Variants in ZBTB20 observed in about 807,000 individuals in gnomAD.
ZBTB20 encodes zinc finger and BTB domain-containing protein 20.
ZBTB20 carries 9 observed loss-of-function variants against 56.9 expected under a neutral mutation model. The observed-to-expected ratio is 0.16, with a 90% CI of 0.10 to 0.28. ZBTB20 has a LOEUF of 0.28. Among genes scored for constraint, ZBTB20 ranks in the 10% least tolerant of loss-of-function variants. The probability of loss-of-function intolerance (pLI) is 1.00; values close to 1 mark genes in which losing one functional copy is unlikely to be tolerated. For synonymous variants in ZBTB20, 417 were observed against 420.7 expected (o/e 0.99, Z 0.11); for missense variants, 655 against 1,003.0 (o/e 0.65, Z 4.69).
chr3:115,106,991 G>A (rs2083742150), intron 1 of ZBTB20, among the ~76,000 whole-genome samples: 1 of 152,068 alleles, frequency 6.6e-6, no homozygotes, highest in Non-Finnish European at 1.5e-5. Flanking sequence ...TGAGATATAA[G>A]GATGATATAA....
At chr3:114,970,522 T>C (rs924220985) in intron 3 of ZBTB20, among the ~76,000 whole-genome samples, 2 of 152,164 alleles carry the variant, frequency 1.3e-5, no homozygotes, top group Admixed American at 6.5e-5. Context: ...TATTAGTGTG[T>C]TTCATGAAAA....
rs536314549 is a variant in ZBTB20, at chr3:114,953,437, AT to A, written c.-456+20928del. 4.0e-3 allele frequency among the ~76,000 whole-genome samples: 612 copies of A among 151,922 alleles called. 1 individual carries two copies. Among genetic ancestry groups the A allele is most frequent in the African/African-American group, 0.014 (564 of 41,480 alleles). ...TTAAAGACAGAGATTATCAGAACGGATTTTTTTTAATGACCCAATTATACAC... is the reference window on the plus strand; with the variant it reads ...TTAAAGACAGAGATTATCAGAACGGATTTTTTTAATGACCCAATTATACAC... On this transcript the variant is annotated intron_variant, in intron 3 of 11. Coordinates refer to ENST00000675478, the MANE Select transcript of ZBTB20 (RefSeq NM_001348800.3).
intron 3 of ZBTB20, among the ~76,000 whole-genome samples, chr3:114,962,686 G>T (rs893768709): frequency 6.6e-6 from 1 of 151,976 alleles, no homozygotes; most frequent in Non-Finnish European, 1.5e-5. Flanking sequence ...ACCAGTTAGT[G>T]GACCATTTTG....
chr3:114,809,327 T>A (rs1220385579), intron 4 of ZBTB20, among the ~76,000 whole-genome samples: 1 of 152,142 alleles, frequency 6.6e-6, no homozygotes, highest in Non-Finnish European at 1.5e-5. Flanking sequence ...TGCTTGATGG[T>A]CTCTCACAGG....
chr3:114,471,406 GA>G (rs2109259781), intron 7 of ZBTB20, among the ~76,000 whole-genome samples: 1 of 152,250 alleles, frequency 6.6e-6, no homozygotes, highest in South Asian at 2.1e-4. Flanking sequence ...CAGAATATGG[GA>G]ACAAAATCTA....
At chr3:114,652,524 T>C (rs1456447363) in intron 6 of ZBTB20, among the ~76,000 whole-genome samples, 2 of 152,040 alleles carry the variant, frequency 1.3e-5, no homozygotes, top group East Asian at 3.8e-4. Context: ...ACTAGGAATG[T>C]AATTACCAAA....
chr3:114,742,370 C>G (rs575879420), intron 5 of ZBTB20, among the ~76,000 whole-genome samples: 3 of 152,134 alleles, frequency 2.0e-5, no homozygotes, highest in African/African-American at 4.8e-5. Context: ...AGTATCTATA[C>G]GAAATCCTGA....
chr3:114,794,182 T>G (rs2071181850), intron 5 of ZBTB20, among the ~76,000 whole-genome samples: 1 of 152,120 alleles, frequency 6.6e-6, no homozygotes, highest in Non-Finnish European at 1.5e-5. Flanking sequence ...GAATGGTTCC[T>G]ACTTTGCTGG....
chr3:115,023,786 G>GA (rs1310866943), intron 2 of ZBTB20, among the ~76,000 whole-genome samples: 2 of 150,488 alleles, frequency 1.3e-5, no homozygotes, highest in African/African-American at 2.4e-5. Flanking sequence ...GTACTCAGAG[G>GA]AAAAAATGAT....
intron 2 of ZBTB20, among the ~76,000 whole-genome samples, chr3:115,039,423 A>G (rs762257447): frequency 5.3e-5 from 8 of 152,072 alleles, no homozygotes; most frequent in Non-Finnish European, 8.8e-5. Flanking sequence ...TGATGGGTTG[A>G]GAATACTAGA....
chr3:114,721,205 C>T (rs1334344796), intron 5 of ZBTB20, among the ~76,000 whole-genome samples: 1 of 151,988 alleles, frequency 6.6e-6, no homozygotes, highest in Non-Finnish European at 1.5e-5. Flanking sequence ...CACAAGAGGT[C>T]TATTAAAGGC....
At chr3:114,699,109 A>T (rs139339653) in intron 5 of ZBTB20, among the ~76,000 whole-genome samples, 1 of 152,160 alleles carries the variant, frequency 6.6e-6, no homozygotes, top group South Asian at 2.1e-4. Context: ...CCATTTTATT[A>T]GGAAAAAGCT....
chr3:114,701,140 T>G lies in ZBTB20; in HGVS notation c.-342-7565A>C, dbSNP rs540779586. ...GGCAATAAAAGGATTTCCTATTATTTCATAAGGTTTAATGTACATCACTCC... is the reference window on the plus strand; with the variant it reads ...GGCAATAAAAGGATTTCCTATTATTGCATAAGGTTTAATGTACATCACTCC... On this transcript the variant is annotated intron_variant, in intron 5 of 11. Transcript: ENST00000675478. Among the ~76,000 whole-genome samples the G allele has an allele frequency of 1.7e-3, 255 of 152,260 alleles. 1 individual carries two copies. Among genetic ancestry groups the G allele is most frequent in the Middle Eastern group, 6.8e-3 (2 of 294 alleles).
intron 6 of ZBTB20, among the ~76,000 whole-genome samples, chr3:114,617,859 A>G (rs916868747): frequency 3.9e-5 from 6 of 152,144 alleles, no homozygotes; most frequent in Non-Finnish European, 8.8e-5. Flanking sequence ...GTCTTTTCTC[A>G]AATGCTGTCC....
At chr3:114,526,007 T>A (rs1446178849) in intron 6 of ZBTB20, among the ~76,000 whole-genome samples, 1 of 152,254 alleles carries the variant, frequency 6.6e-6, no homozygotes, top group East Asian at 1.9e-4. Context: ...ATTCAAGGCA[T>A]AGCTGCCAAG....
chr3:114,603,203 G>A (rs1039872301), intron 6 of ZBTB20, among the ~76,000 whole-genome samples: 1 of 151,982 alleles, frequency 6.6e-6, no homozygotes, highest in Non-Finnish European at 1.5e-5. Context: ...ACTTAAAGGG[G>A]TGAACATGGT....
At chr3:114,738,004 A>G (rs1223379670) in intron 5 of ZBTB20, among the ~76,000 whole-genome samples, 4 of 152,110 alleles carry the variant, frequency 2.6e-5, no homozygotes, top group South Asian at 2.1e-4. Flanking sequence ...CTTTTTTTCT[A>G]GTAATGGGTA....
In ZBTB20 at chr3:114,755,476, G is replaced by C. The variant is rs1460518905; in HGVS notation, c.-343+45625C>G. On this transcript the variant is annotated intron_variant, in intron 5 of 11. Coordinates refer to ENST00000675478, the MANE Select transcript of ZBTB20 (RefSeq NM_001348800.3). ...ATGAACAATTTAGGAAAGCAACATT[G>C]ATTCAAGAGGTTTATTTGATAACAT... Among the ~76,000 whole-genome samples the C allele has an allele frequency of 2.6e-5, 4 of 152,140 alleles. No individual in the cohort carries two copies. The East Asian group carries it at 7.7e-4, about 29-fold the overall frequency.
At chr3:114,576,901 C>T (rs376118115) in intron 6 of ZBTB20, among the ~76,000 whole-genome samples, 6 of 151,688 alleles carry the variant, frequency 4.0e-5, no homozygotes, top group East Asian at 1.9e-4. Flanking sequence ...TTTTATAAAA[C>T]GAATATTAGT....
Sources: allele counts gnomAD v4.1 joint callset (sites outside exome capture counted in the v4.1 genomes callset), GRCh38; gene constraint gnomAD v4.1.1; transcripts MANE v1.5; gene names NCBI Gene and HGNC (gene_info 2026-07-23, HGNC 2026-07-21).